The following HDAC5 variants were observed in gnomAD, a reference collection of about 807,000 sequenced individuals.
HDAC5 encodes histone deacetylase 5.
In HDAC5, 25 loss-of-function variants were observed where a neutral mutation model predicts 133.3. That is an observed-to-expected ratio of 0.19 (90% CI 0.14 to 0.26). The LOEUF (loss-of-function observed/expected upper bound fraction) is 0.26. HDAC5 is among the 10% of genes least tolerant of loss of function. HDAC5 has a pLI of 1.00. For synonymous variants in HDAC5, 589 were observed against 610.8 expected (o/e 0.96, Z 0.53); for missense variants, 1,041 against 1,460.5 (o/e 0.71, Z 4.68).
At chr17:44,123,289 G>A (rs2143703888) in intron 1 of HDAC5, 1 of 318,126 alleles carries the variant, frequency 3.1e-6, no homozygotes, top group East Asian at 5.0e-5. Context: ...GAGGGGCAGG[G>A]AGGGGCGCGC....
In HDAC5 at chr17:44,078,269, TGA is replaced by T; in HGVS notation, c.*105_*106del. The T allele has an allele frequency of 8.1e-7, 1 of 1,233,356 alleles. No individual in the cohort carries two copies. The highest frequency in any genetic ancestry group is 1.1e-6 in the Non-Finnish European group (1 of 911,910). The allele number at this position is 1,233,356 out of a possible 1,614,324, so 76.4% of individuals were successfully genotyped here. A position where few individuals can be genotyped will look rare whatever the true frequency, so the allele number is the denominator to read the frequency against. On this transcript the variant is annotated 3_prime_UTR_variant, in exon 27 of 27. Coordinates refer to ENST00000682912, the MANE Select transcript of HDAC5 (RefSeq NM_005474.5). Reference sequence around the variant, plus strand: ...CGTAGAGGAGCAGGAGGGGCAAGGCTGAGAGACCCACACGGCACACCTTGTTG... The same window carrying T: ...CGTAGAGGAGCAGGAGGGGCAAGGCTGAGACCCACACGGCACACCTTGTTG...
Position 44,091,327 on chromosome 17 carries a change from G to A in HDAC5, c.1330C>T (p.Leu444=), listed in dbSNP as rs755009853. 1.7e-5 allele frequency: 27 copies of A among 1,610,688 alleles called. No homozygotes were observed. Among genetic ancestry groups the A allele is most frequent in the Non-Finnish European group, 2.1e-5 (25 of 1,178,838 alleles). The change falls in exon 11 of 27, where the codon CTG becomes TTG. Residue 444 remains leucine, a synonymous_variant. Coordinates refer to ENST00000682912, the MANE Select transcript of HDAC5 (RefSeq NM_005474.5). ...GDGSPHGHAS[L]LQHVLLLEQA... ...TCCAGCAACAGCACATGCTGCAGCA[G>A]GGAGGCATGCCCGTGGGGGCTCCCG... is the stretch of plus-strand genomic sequence containing the variant.
intron 2 of HDAC5, among the ~76,000 whole-genome samples, chr17:44,112,011 G>A (rs1468573982): frequency 6.6e-6 from 1 of 152,146 alleles, no homozygotes; most frequent in Non-Finnish European, 1.5e-5. Context: ...GACCTTGGGA[G>A]AGGCACAGAT....
chr17:44,121,201 C>T (rs1288388875), intron 1 of HDAC5, among the ~76,000 whole-genome samples: 10 of 151,816 alleles, frequency 6.6e-5, no homozygotes, highest in Non-Finnish European at 4.4e-5. Flanking sequence ...GCCCTAAAAC[C>T]TCAGGCAGAA....
intron 1 of HDAC5, among the ~76,000 whole-genome samples, chr17:44,119,829 G>T (rs543565650): frequency 1.3e-5 from 2 of 152,306 alleles, no homozygotes; most frequent in Admixed American, 1.3e-4. Flanking sequence ...AGAGAAATCT[G>T]TTGGGTCTCA....
rs374123779 is a variant in HDAC5 at position 44,093,488 on chromosome 17, G to C, written c.355-3C>G. 6.2e-7 allele frequency: 1 copy of C among 1,605,672 alleles called. No homozygotes were observed. Among genetic ancestry groups the C allele is most frequent in the African/African-American group, 1.3e-5 (1 of 74,792 alleles). Reference sequence around the variant, plus strand: ...GCTGCCAGCATCTCCTGCTGCTGCTGCAGGGGCATGGGAACGGAGGCACAA... The same window carrying C: ...GCTGCCAGCATCTCCTGCTGCTGCTCCAGGGGCATGGGAACGGAGGCACAA... On this transcript the variant is annotated splice_polypyrimidine_tract_variant and splice_region_variant and intron_variant, in intron 4 of 26. Transcript: ENST00000682912.
At chr17:44,108,817 C>T (rs2052154732) in intron 3 of HDAC5, among the ~76,000 whole-genome samples, 1 of 151,590 alleles carries the variant, frequency 6.6e-6, no homozygotes, top group Non-Finnish European at 1.5e-5. Flanking sequence ...ATATCTGTCC[C>T]TAGCCGCGTC....
intron 18 of HDAC5, 41 bp from the exon 19 acceptor site, chr17:44,082,861 A>G (rs376791446): frequency 2.9e-4 from 440 of 1,540,340 alleles, no homozygotes; most frequent in Non-Finnish European, 3.8e-4. Flanking sequence ...AGATCCAGGC[A>G]GGAAGGCCGT....
chr17:44,090,911 A>C (rs1041956796), intron 11 of HDAC5, among the ~76,000 whole-genome samples: 1 of 151,898 alleles, frequency 6.6e-6, no homozygotes, highest in Non-Finnish European at 1.5e-5. Flanking sequence ...GAATGGTCTC[A>C]ATCTCCTGAC....
In HDAC5 at chr17:44,080,515, G is replaced by A. The variant is rs765231080; in HGVS notation, c.2728-17C>T. The A allele has an allele frequency of 1.2e-6, 2 of 1,611,254 alleles. No homozygotes were observed. The highest frequency in any genetic ancestry group is 1.1e-5 in the South Asian group (1 of 91,024). ...TCCACCAACCTGGCACCAGAGTTGG[G>A]GAGAGGGCTATTCTCACCACCTGGG... On this transcript the variant is annotated splice_polypyrimidine_tract_variant and intron_variant, in intron 21 of 26. Coordinates refer to ENST00000682912, the MANE Select transcript of HDAC5 (RefSeq NM_005474.5).
chr17:44,117,903 AG>A lies in HDAC5; in HGVS notation c.-189-200del, dbSNP rs2052746191. On this transcript the variant is annotated intron_variant, in intron 1 of 26. Coordinates refer to ENST00000682912, the MANE Select transcript of HDAC5 (RefSeq NM_005474.5). This position sits in a 1 kb window ranked among gnomAD's most constrained non-coding sequence, Gnocchi z 4.2. ...TAACTGATGAGGCTCCCAGAGCCCA[AG>A]GGATAGGAAATGGCTATGGTGGCCA... 6.6e-6 allele frequency among the ~76,000 whole-genome samples: 1 copy of A among 152,196 alleles called. No individual in the cohort carries two copies. Among genetic ancestry groups the A allele is most frequent in the Non-Finnish European group, 1.5e-5 (1 of 68,014 alleles).
chr17:44,107,144 G>T (rs1420712742), intron 3 of HDAC5, among the ~76,000 whole-genome samples: 2 of 151,876 alleles, frequency 1.3e-5, no homozygotes, highest in Non-Finnish European at 2.9e-5. Flanking sequence ...TAGAGACAGG[G>T]TCTGGCTATG....
Position 44,084,004 on chromosome 17 carries a change from A to C in HDAC5, c.2306-150T>G, listed in dbSNP as rs1055929415. The C allele has an allele frequency of 1.4e-5, 9 of 664,996 alleles. No homozygotes were observed. The East Asian group carries it at 2.4e-4, about 18-fold the overall frequency. 41.2% of individuals were successfully genotyped at this position (664,996 alleles called of 1,614,324 possible). A position where few individuals can be genotyped will look rare whatever the true frequency, so the allele number is the denominator to read the frequency against. ...CTGGGCGTGGTGGCACACACCTGTAAACCCAGCTACTCAATAGGCTCAGGC... is the reference window on the plus strand; with the variant it reads ...CTGGGCGTGGTGGCACACACCTGTACACCCAGCTACTCAATAGGCTCAGGC... On this transcript the variant is annotated intron_variant, in intron 16 of 26. Transcript: ENST00000682912.
chr17:44,095,814 G>A (rs967443933), intron 3 of HDAC5, among the ~76,000 whole-genome samples: 9 of 152,058 alleles, frequency 5.9e-5, no homozygotes, highest in African/African-American at 1.7e-4. Context: ...CAGGGGGAGG[G>A]CAGGAGCTTC....
chr17:44,094,409 G>A (rs895697931), intron 3 of HDAC5, among the ~76,000 whole-genome samples: 1 of 151,994 alleles, frequency 6.6e-6, no homozygotes, highest in Non-Finnish European at 1.5e-5. Context: ...AGGCTGAGGC[G>A]GGTAGATCAC....
chr17:44,099,269 T>TG (rs772801164), intron 3 of HDAC5, among the ~76,000 whole-genome samples: 8 of 152,114 alleles, frequency 5.3e-5, no homozygotes, highest in Non-Finnish European at 1.2e-4. Context: ...GGCAAGGCTC[T>TG]GGGGGAAAGC....
Position 44,110,808 on chromosome 17 carries a change from G to T in HDAC5, c.23-8C>A, listed in dbSNP as rs752518609. On this transcript the variant is annotated splice_polypyrimidine_tract_variant and splice_region_variant and intron_variant, in intron 2 of 26. Transcript: ENST00000682912. ...CCCGACCTGACATCCCATCTGCTGA[G>T]AAACAGGATTCTGTCTCATAGATGG... 1 of 1,612,114 alleles carries T rather than the reference G, an allele frequency of 6.2e-7. No individual in the cohort carries two copies. The highest frequency in any genetic ancestry group is 1.1e-5 in the South Asian group (1 of 90,740).
At chr17:44,112,197 G>A (rs776554516) in intron 2 of HDAC5, among the ~76,000 whole-genome samples, 63 of 152,282 alleles carry the variant, frequency 4.1e-4, no homozygotes, top group Non-Finnish European at 7.9e-4. Context: ...CAAGTAGGAA[G>A]AGACTTGAGG....
chr17:44,091,231 C>T (rs2050931088), intron 11 of HDAC5, 39 bp downstream of exon 11: 1 of 1,505,672 alleles, frequency 6.6e-7, no homozygotes, highest in African/African-American at 1.4e-5. Context: ...TTGGTCCTGA[C>T]CTTAGCCCCC....
Sources: gnomAD v4.1 joint callset for allele counts (sites outside exome capture counted in the v4.1 genomes callset) on GRCh38, gnomAD v4.1.1 for gene constraint, Gnocchi (gnomAD v3.1) non-coding constraint, MANE v1.5 for transcripts, NCBI Gene and HGNC (gene_info 2026-07-23, HGNC 2026-07-21) for gene names.